Variants in SAMD5 observed in about 807,000 individuals in gnomAD.
The protein encoded by SAMD5 is sterile alpha motif domain-containing protein 5.
SAMD5 carries 13 observed loss-of-function variants against 11.3 expected under a neutral mutation model. The observed-to-expected ratio is 1.15, with a 90% CI of 0.75 to 1.83. The LOEUF is 1.83. Ranked by LOEUF, SAMD5 falls within the 40% of genes most tolerant of loss-of-function variation. The pLI is 0.00. For missense variants in SAMD5, 255 were observed against 239.1 expected (o/e 1.07, Z -0.44); for synonymous variants, 129 against 111.3 (o/e 1.16, Z -1.00).
At chr6:147,838,688 G>A in the SAMD5 span, among the ~76,000 whole-genome samples, 5,205 of 152,206 alleles carry the variant, frequency 0.034, 122 homozygotes, top group African/African-American at 0.055. Context: ...TAATATCTGA[G>A]TTGACACATC....
chr6:147,508,787 C>T lies in SAMD5; in HGVS notation c.-142C>T. On this transcript the variant is annotated 5_prime_UTR_variant, in exon 1 of 2. Transcript: ENST00000367474. ...CTTCTGATGGTTTTCCGTCTCCTGC[C>T]CGAGCCTTTCCTTTAAAAGGAAAAC... 7.7e-7 allele frequency: 1 copy of T among 1,305,638 alleles called. No homozygotes were observed. The highest frequency in any genetic ancestry group is 3.0e-5 in the East Asian group (1 of 33,520). 80.9% of individuals were successfully genotyped at this position (1,305,638 alleles called of 1,614,324 possible). A position where few individuals can be genotyped will look rare whatever the true frequency, so the allele number is the denominator to read the frequency against.
At position 147,601,536 on chromosome 6, in the gene SAMD5, T is replaced by C. The variant is rs1789614898; in HGVS notation, c.162+92149T>C. Among the ~76,000 whole-genome samples the C allele has an allele frequency of 3.3e-5, 5 of 152,306 alleles. No individual in the cohort carries two copies. The South Asian group carries it at 1.0e-3, about 32-fold the overall frequency. On this transcript the variant is annotated intron_variant, in intron 1 of 1. Coordinates refer to the SAMD5 transcript ENST00000566741. ...ATATTGTTTTAGAGAGTAGGAACTTTGGTATGTCCTGAGCGCACACTTTGA... is the reference window on the plus strand; with the variant it reads ...ATATTGTTTTAGAGAGTAGGAACTTCGGTATGTCCTGAGCGCACACTTTGA...
intron 1 of SAMD5, among the ~76,000 whole-genome samples, chr6:147,531,639 C>T (rs1377338107): frequency 6.6e-6 from 1 of 152,152 alleles, no homozygotes; most frequent in African/African-American, 2.4e-5. Flanking sequence ...GAACTTATTA[C>T]TCATTATTGC....
At chr6:147,884,691 G>T in the SAMD5 span, among the ~76,000 whole-genome samples, 1 of 152,092 alleles carries the variant, frequency 6.6e-6, no homozygotes, top group Non-Finnish European at 1.5e-5. Context: ...AGGTGGCTTT[G>T]TTTGGCTAAT....
chr6:147,691,995 C>CA (rs34208483), intron 1 of SAMD5, among the ~76,000 whole-genome samples: 70,171 of 148,668 alleles, frequency 0.47, 17,701 homozygotes, highest in Admixed American at 0.57. Flanking sequence ...ACACACACAC[C>CA]CCCCTGATTG....
At chr6:147,824,740 T>C in the SAMD5 span, among the ~76,000 whole-genome samples, 5,465 of 152,346 alleles carry the variant, frequency 0.036, 132 homozygotes, top group Non-Finnish European at 0.056. Flanking sequence ...TTTACTTACA[T>C]ACAATAATTT....
the SAMD5 span, among the ~76,000 whole-genome samples, chr6:147,807,111 TTGAGATGGAAAGGA>T: frequency 6.6e-6 from 1 of 152,278 alleles, no homozygotes; most frequent in South Asian, 2.1e-4. Context: ...TTTTTGTTTT[TTGAGATGGAAAGGA>T]GTCTTGCTCT....
At chr6:147,795,423 C>G in the SAMD5 span, among the ~76,000 whole-genome samples, 1 of 140,598 alleles carries the variant, frequency 7.1e-6, no homozygotes, top group South Asian at 2.3e-4. Flanking sequence ...GCATAGTATT[C>G]CATGGTGTAT....
intron 1 of SAMD5, among the ~76,000 whole-genome samples, chr6:147,550,707 T>TA (rs1281994217): frequency 4.8e-5 from 3 of 62,796 alleles, no homozygotes; most frequent in African/African-American, 2.7e-4. Flanking sequence ...AAAGAATGTG[T>TA]ACAATAGACC....
the SAMD5 span, among the ~76,000 whole-genome samples, chr6:147,762,029 A>G: frequency 6.6e-6 from 1 of 151,920 alleles, no homozygotes; most frequent in Non-Finnish European, 1.5e-5. Context: ...TACATTTTTA[A>G]TAGGAAATTC....
At chr6:147,641,778 T>C (rs1790315693) in intron 1 of SAMD5, among the ~76,000 whole-genome samples, 2 of 152,190 alleles carry the variant, frequency 1.3e-5, no homozygotes, top group Admixed American at 1.3e-4. Context: ...TTACAGAATC[T>C]TTTAACTTTA....
the SAMD5 span, among the ~76,000 whole-genome samples, chr6:147,837,255 A>G: frequency 2.0e-5 from 3 of 152,106 alleles, no homozygotes; most frequent in Admixed American, 2.0e-4. Flanking sequence ...TTCTTACCCC[A>G]GAAGACTCTG....
the SAMD5 span, among the ~76,000 whole-genome samples, chr6:147,933,267 C>A: frequency 3.3e-5 from 5 of 152,280 alleles, no homozygotes; most frequent in South Asian, 4.1e-4. Flanking sequence ...AGTGACCTGC[C>A]AGACATGCCT....
At chr6:147,795,103 T>C in the SAMD5 span, among the ~76,000 whole-genome samples, 20 of 151,156 alleles carry the variant, frequency 1.3e-4, no homozygotes, top group African/African-American at 4.9e-4. Context: ...TTAGGGTACA[T>C]GTGCACATTG....
chr6:147,637,674 A>T (rs765676495), intron 1 of SAMD5, among the ~76,000 whole-genome samples: 14 of 152,178 alleles, frequency 9.2e-5, no homozygotes, highest in Non-Finnish European at 1.6e-4. Context: ...TCAGGAACAC[A>T]TTTTAGCTTT....
At chr6:147,570,437 A>C (rs912490443), downstream of SAMD5, among the ~76,000 whole-genome samples, 1 of 152,172 alleles carries the variant, frequency 6.6e-6, no homozygotes, top group African/African-American at 2.4e-5. Flanking sequence ...TGATTCAACT[A>C]CAGATAAGCA....
At chr6:147,889,858 C>T in the SAMD5 span, among the ~76,000 whole-genome samples, 1 of 152,174 alleles carries the variant, frequency 6.6e-6, no homozygotes, top group Non-Finnish European at 1.5e-5. Flanking sequence ...TGCGTTCCTA[C>T]AGGAAACTCT....
At chr6:147,923,330 A>G in the SAMD5 span, among the ~76,000 whole-genome samples, 1 of 152,196 alleles carries the variant, frequency 6.6e-6, no homozygotes, top group Non-Finnish European at 1.5e-5. Flanking sequence ...GCATGAGCTT[A>G]GTTATTTCTA....
At chr6:147,840,575 T>C in the SAMD5 span, among the ~76,000 whole-genome samples, 1 of 152,118 alleles carries the variant, frequency 6.6e-6, no homozygotes, top group Non-Finnish European at 1.5e-5. Context: ...CTGGAAAACA[T>C]TTATAATAAA....
Sources: gnomAD v4.1 joint callset for allele counts (sites outside exome capture counted in the v4.1 genomes callset) on GRCh38, gnomAD v4.1.1 for gene constraint, MANE v1.5 for transcripts, NCBI Gene and HGNC (gene_info 2026-07-23, HGNC 2026-07-21) for gene names.